Variants in CELF2 observed in about 807,000 individuals in gnomAD.
CELF2 encodes CUGBP Elav-like family member 2.
CELF2 carries 8 observed loss-of-function variants against 62.6 expected under a neutral mutation model. The ratio of observed to expected loss-of-function variants is 0.13; its 90% CI spans 0.07 to 0.23. The LOEUF is 0.23. Among genes scored for constraint, CELF2 ranks in the 10% least tolerant of loss-of-function variants. The pLI, the probability that CELF2 is intolerant of heterozygous loss-of-function variation, is 1.00. For missense variants in CELF2, 333 were observed against 671.0 expected (o/e 0.50, Z 5.56); for synonymous variants, 258 against 250.0 (o/e 1.03, Z -0.30).
intron 1 of CELF2, among the ~76,000 whole-genome samples, chr10:11,109,585 C>G (rs1320555416): frequency 6.6e-6 from 1 of 152,118 alleles, no homozygotes; most frequent in Non-Finnish European, 1.5e-5. Flanking sequence ...GGACTGTGGC[C>G]CAGGTTTCCT....
At chr10:10,919,719 C>G (rs2134654855) in intron 1 of CELF2, among the ~76,000 whole-genome samples, 1 of 152,262 alleles carries the variant, frequency 6.6e-6, no homozygotes, top group East Asian at 1.9e-4. Context: ...TCATTGTATT[C>G]AACCACCAGA....
At chr10:11,084,263 A>G (rs1267983999) in intron 1 of CELF2, among the ~76,000 whole-genome samples, 2 of 152,370 alleles carry the variant, frequency 1.3e-5, no homozygotes, top group East Asian at 3.9e-4. Flanking sequence ...GCAAGTGAAT[A>G]TGCGGCTCTT....
Position 11,177,605 on chromosome 10 carries a change from G to A in CELF2, c.271+11923G>A, listed in dbSNP as rs986586568. Among the ~76,000 whole-genome samples, 31 of 152,154 alleles carry A rather than the reference G, an allele frequency of 2.0e-4. No homozygotes were observed. The highest frequency in any genetic ancestry group is 2.9e-4 in the African/African-American group (12 of 41,430). ...AGAAAACAGACCAGCCTGGTTTCACGTTCCAGACAGCATGAAGTACCTCAA... is the reference window on the plus strand; with the variant it reads ...AGAAAACAGACCAGCCTGGTTTCACATTCCAGACAGCATGAAGTACCTCAA... On this transcript the variant is annotated intron_variant, in intron 2 of 12. Coordinates refer to ENST00000633077, the MANE Select transcript of CELF2 (RefSeq NM_001326342.2). This position sits in a 1 kb window ranked among gnomAD's most constrained non-coding sequence, Gnocchi z 4.8.
the CELF2 span, among the ~76,000 whole-genome samples, chr10:10,507,443 C>T: frequency 1.3e-5 from 2 of 152,058 alleles, no homozygotes; most frequent in Admixed American, 6.5e-5. Flanking sequence ...AGATTGTTCT[C>T]AGAGTCTCAA....
the CELF2 span, among the ~76,000 whole-genome samples, chr10:10,758,674 T>G: frequency 1.3e-5 from 2 of 152,250 alleles, no homozygotes; most frequent in Non-Finnish European, 2.9e-5. Flanking sequence ...TCTGTGTCAT[T>G]GACCTTGGTG....
chr10:11,186,722 A>G (rs2134248638), intron 2 of CELF2, among the ~76,000 whole-genome samples: 1 of 152,324 alleles, frequency 6.6e-6, no homozygotes, highest in South Asian at 2.1e-4. Context: ...TCATTGGAGC[A>G]TTTTGGATCA....
At chr10:10,794,166 G>T (rs929453421), upstream of CELF2, among the ~76,000 whole-genome samples, 2 of 152,104 alleles carry the variant, frequency 1.3e-5, no homozygotes, top group African/African-American at 4.8e-5. Context: ...CTATTTCCAG[G>T]GTCCAGAGCA....
chr10:10,778,818 C>T, the CELF2 span, among the ~76,000 whole-genome samples: 1 of 152,138 alleles, frequency 6.6e-6, no homozygotes, highest in South Asian at 2.1e-4. Context: ...AGTCCAGGTA[C>T]ATATATGGTG....
At chr10:10,688,552 C>T in the CELF2 span, among the ~76,000 whole-genome samples, 1 of 152,316 alleles carries the variant, frequency 6.6e-6, no homozygotes, top group Non-Finnish European at 1.5e-5. Context: ...CAGAGAAAGT[C>T]CTGGGTACAA....
At chr10:10,969,519 G>A (rs764071889) in intron 2 of CELF2, among the ~76,000 whole-genome samples, 16 of 152,084 alleles carry the variant, frequency 1.1e-4, no homozygotes, top group Admixed American at 3.3e-4. Context: ...AAACATCCCC[G>A]TTGTGCTACA....
At chr10:10,886,516 C>T (rs142592707) in intron 1 of CELF2, among the ~76,000 whole-genome samples, 1 of 152,034 alleles carries the variant, frequency 6.6e-6, no homozygotes, top group Non-Finnish European at 1.5e-5. Flanking sequence ...GACAACTGAA[C>T]GAGAGCCTGA....
At chr10:10,582,512 C>T in the CELF2 span, among the ~76,000 whole-genome samples, 1 of 152,118 alleles carries the variant, frequency 6.6e-6, no homozygotes, top group Non-Finnish European at 1.5e-5. Context: ...ACAAATGGTT[C>T]ATTATCTAGA....
chr10:11,153,927 G>T (rs1281603146), intron 1 of CELF2, among the ~76,000 whole-genome samples: 1 of 152,218 alleles, frequency 6.6e-6, no homozygotes, highest in Non-Finnish European at 1.5e-5. Context: ...AAAGCAAAGA[G>T]TCATGAAACT....
At chr10:10,659,782 C>T in the CELF2 span, among the ~76,000 whole-genome samples, 1 of 152,192 alleles carries the variant, frequency 6.6e-6, no homozygotes, top group Non-Finnish European at 1.5e-5. Flanking sequence ...CTGGCCTCTC[C>T]TTCATTCAAC....
At chr10:10,557,776 A>C in the CELF2 span, among the ~76,000 whole-genome samples, 50 of 143,590 alleles carry the variant, frequency 3.5e-4, no homozygotes, top group East Asian at 8.7e-3. Flanking sequence ...ATTCCTAGGT[A>C]TTTTATTCTC....
the CELF2 span, among the ~76,000 whole-genome samples, chr10:10,498,244 G>A: frequency 6.6e-6 from 1 of 152,220 alleles, no homozygotes; most frequent in Admixed American, 6.5e-5. Flanking sequence ...CATCTGAAAT[G>A]CCAGTGCCCT....
At chr10:10,835,245 G>C (rs1354800771) in intron 1 of CELF2, among the ~76,000 whole-genome samples, 2 of 151,882 alleles carry the variant, frequency 1.3e-5, no homozygotes, top group Non-Finnish European at 2.9e-5. Context: ...CTCCGTGCTC[G>C]GCTAGTTATT....
chr10:10,848,039 C>A (rs2059127231), intron 1 of CELF2, among the ~76,000 whole-genome samples: 1 of 152,172 alleles, frequency 6.6e-6, no homozygotes, highest in South Asian at 2.1e-4. Context: ...TCTCCTTTCT[C>A]TTCCCCTCAA....
the CELF2 span, among the ~76,000 whole-genome samples, chr10:10,691,503 G>A: frequency 1.3e-5 from 2 of 151,534 alleles, no homozygotes; most frequent in African/African-American, 4.9e-5. Flanking sequence ...ATGATTTATA[G>A]TCCTTTGGGT....
Sources: gnomAD v4.1 joint callset for allele counts (sites outside exome capture counted in the v4.1 genomes callset) on GRCh38, gnomAD v4.1.1 for gene constraint, Gnocchi (gnomAD v3.1) non-coding constraint, MANE v1.5 for transcripts, NCBI Gene and HGNC (gene_info 2026-07-23, HGNC 2026-07-21) for gene names.